TMEM126B: variants seen among roughly 807,000 people sequenced by gnomAD.
TMEM126B encodes transmembrane protein 126B, also known as complex I assembly factor TMEM126B, mitochondrial.
In TMEM126B, 19 loss-of-function variants were observed where a neutral mutation model predicts 16.5. That is an observed-to-expected ratio of 1.15 (90% CI 0.80 to 1.69). The LOEUF (loss-of-function observed/expected upper bound fraction) is 1.69, where lower values mean the gene tolerates loss of function less well. Ranked by LOEUF, TMEM126B falls within the 40% of genes most tolerant of loss-of-function variation. The pLI is 0.00. For missense variants in TMEM126B, 293 were observed against 278.7 expected, an observed-to-expected ratio of 1.05 and a Z score of -0.37; for synonymous variants, 104 against 93.2, an observed-to-expected ratio of 1.12 and a Z score of -0.67.
chr11:85,632,921 T>G (rs568895946), intron 2 of TMEM126B, among the ~76,000 whole-genome samples: 3 of 152,164 alleles, frequency 2.0e-5, no homozygotes, highest in South Asian at 2.1e-4. Flanking sequence ...CATTTAGCAT[T>G]AGGTAGATCT....
intron 2 of TMEM126B, 74 bp downstream of exon 2, chr11:85,631,882 C>T: frequency 7.0e-7 from 1 of 1,435,716 alleles, no homozygotes; most frequent in Non-Finnish European, 9.3e-7. Context: ...TTTCTAAGAT[C>T]CTATTCTTTC....
chr11:85,632,525 A>G (rs566319811), intron 2 of TMEM126B, among the ~76,000 whole-genome samples: 29 of 152,346 alleles, frequency 1.9e-4, no homozygotes, highest in African/African-American at 6.7e-4. Flanking sequence ...TATTTCCTGG[A>G]TTTACATATG....
chr11:85,632,590 G>A (rs1003424282), intron 2 of TMEM126B, among the ~76,000 whole-genome samples: 1 of 150,734 alleles, frequency 6.6e-6, no homozygotes, highest in African/African-American at 2.5e-5. Context: ...TATAAATCTT[G>A]GACAAATTAT....
At chr11:85,635,872 CTATGA>C in intron 4 of TMEM126B, 94 bp downstream of exon 4, 1 of 962,998 alleles carries the variant, frequency 1.0e-6, no homozygotes, top group Non-Finnish European at 1.4e-6. Flanking sequence ...CTTTAGCTGT[CTATGA>C]TATATTTGAA....
intron 2 of TMEM126B, among the ~76,000 whole-genome samples, chr11:85,633,029 A>G (rs2082332358): frequency 6.6e-6 from 1 of 151,768 alleles, no homozygotes; most frequent in African/African-American, 2.4e-5. Flanking sequence ...TTCATTTCCC[A>G]CCTATGAGTG....
At chr11:85,630,014 T>G (rs1371811051) in intron 1 of TMEM126B, among the ~76,000 whole-genome samples, 3 of 152,220 alleles carry the variant, frequency 2.0e-5, no homozygotes, top group Non-Finnish European at 2.9e-5. Context: ...TTCTGTATGT[T>G]GATGCCAGGA....
At chr11:85,630,071 C>T (rs1448434748) in intron 1 of TMEM126B, among the ~76,000 whole-genome samples, 1 of 152,140 alleles carries the variant, frequency 6.6e-6, no homozygotes, top group Admixed American at 6.5e-5. Context: ...TGGTACATAC[C>T]GCTCATTCAG....
Position 85,631,797 on chromosome 11 carries a change from TAGAAA to T in TMEM126B, c.198_202del (p.Lys66AsnfsTer33). 1.9e-6 allele frequency: 3 copies of T among 1,604,900 alleles called. No homozygotes were observed. Among genetic ancestry groups the T allele is most frequent in the South Asian group, 1.1e-5 (1 of 88,956 alleles). On this transcript the variant is annotated frameshift_variant, in exon 2 of 5. Transcript: ENST00000358867. LOFTEE classifies it high-confidence loss of function. ...TCATAGAAAAAAATTTTGACTATCTTAGAAAAGAAATGTAAGAGAAATGCCCAGGC... is the reference window on the plus strand; with the variant it reads ...TCATAGAAAAAAATTTTGACTATCTTAGAAATGTAAGAGAAATGCCCAGGC...
intron 1 of TMEM126B, chr11:85,630,998 T>G (rs2082285978): frequency 2.2e-6 from 1 of 460,452 alleles, no homozygotes; most frequent in South Asian, 1.9e-5. Flanking sequence ...CCACAGGTGG[T>G]AATAGGGAAC....
intron 1 of TMEM126B, chr11:85,629,394 C>CT (rs2082204335): frequency 2.0e-6 from 1 of 509,752 alleles, no homozygotes; most frequent in Non-Finnish European, 3.3e-6. Context: ...AGCGTGGTGA[C>CT]TAGTTGAGTG....
chr11:85,635,063 A>C (rs1314728382), intron 3 of TMEM126B: 1 of 152,268 alleles, frequency 6.6e-6, no homozygotes, highest in East Asian at 1.9e-4. Flanking sequence ...CCTGATATAT[A>C]GTAGATAATA....
chr11:85,631,355 C>A (rs2082293347), intron 1 of TMEM126B: 1 of 1,171,616 alleles, frequency 8.5e-7, no homozygotes, highest in Non-Finnish European at 1.1e-6. Context: ...AGCAAGCCAA[C>A]CTTTCAGACC....
At chr11:85,633,089 G>T (rs1419243841) in intron 2 of TMEM126B, among the ~76,000 whole-genome samples, 1 of 152,160 alleles carries the variant, frequency 6.6e-6, no homozygotes, top group Non-Finnish European at 1.5e-5. Context: ...TACTGAGAAT[G>T]ATGATTTCCA....
chr11:85,636,114 A>G lies in TMEM126B; in HGVS notation c.578A>G (p.Gln193Arg), dbSNP rs763814921. 6 of 1,613,022 alleles carry G rather than the reference A, an allele frequency of 3.7e-6. No homozygotes were observed. Among genetic ancestry groups the G allele is most frequent in the Non-Finnish European group, 5.1e-6 (6 of 1,179,702 alleles). The change falls in exon 5 of 5, where the codon CAA becomes CGA. Residue 193 changes from glutamine (Q) to arginine (R), a missense_variant. By Grantham distance (43) the Gln-to-Arg change is conservative. Transcript: ENST00000358867. ...CATTGGATGACGCTTTGTCAAACAC[A>G]AATGAAATTAATGGCGATTCCTCTA... ...LIHWMTLCQT[Q>R]MKLMAIPLVF...
At chr11:85,628,955 T>G (rs1376162371) in intron 1 of TMEM126B, among the ~76,000 whole-genome samples, 1 of 152,160 alleles carries the variant, frequency 6.6e-6, no homozygotes, top group African/African-American at 2.4e-5. Context: ...TTGGAGTATT[T>G]CCCTGCTTCT....
At position 85,629,419 on chromosome 11, in the gene TMEM126B, G is replaced by A. The variant is rs7947489; in HGVS notation, c.81+731G>A. ...CTAGTTGAGTGGCCTTAAGGGGGAA[G>A]GGGTGTAATGAAAGCACTGGAGTCT... On this transcript the variant is annotated intron_variant, in intron 1 of 4. Transcript: ENST00000358867. Among the ~76,000 whole-genome samples the A allele has an allele frequency of 0.016, 2,385 of 152,310 alleles. 28 individuals are homozygous for A. Among genetic ancestry groups the A allele is most frequent in the Non-Finnish European group, 0.023 (1,573 of 68,022 alleles).
intron 1 of TMEM126B, chr11:85,629,186 T>C (rs2082187527): frequency 2.3e-6 from 3 of 1,281,970 alleles, no homozygotes; most frequent in Non-Finnish European, 3.1e-6. Flanking sequence ...GGGATGACTG[T>C]ATCTTGATTA....
Position 85,636,289 on chromosome 11 carries a change from C to A in TMEM126B, c.*60C>A. 1 of 1,253,432 alleles carries A rather than the reference C, an allele frequency of 8.0e-7. No individual in the cohort carries two copies. Among genetic ancestry groups the A allele is most frequent in the Non-Finnish European group, 1.1e-6 (1 of 950,046 alleles). 77.6% of individuals were successfully genotyped at this position (1,253,432 alleles called of 1,614,324 possible). A position where few individuals can be genotyped will look rare whatever the true frequency, so the allele number is the denominator to read the frequency against. On this transcript the variant is annotated 3_prime_UTR_variant, in exon 5 of 5. Transcript: ENST00000358867. ...GAAGTTTCTATAAAGAGGACTCAGG[C>A]ATTGCTGAAAGAGTTAAAAGTAACT...
intron 2 of TMEM126B, among the ~76,000 whole-genome samples, chr11:85,633,667 G>A (rs1174679162): frequency 6.6e-6 from 1 of 152,184 alleles, no homozygotes; most frequent in Non-Finnish European, 1.5e-5. Context: ...AGAAATAGAA[G>A]GCCTAACCAA....
Sources: allele counts gnomAD v4.1 joint callset (sites outside exome capture counted in the v4.1 genomes callset), GRCh38; gene constraint gnomAD v4.1.1; transcripts MANE v1.5; gene names NCBI Gene and HGNC (gene_info 2026-07-23, HGNC 2026-07-21).